Variants in UBASH3B observed in about 807,000 individuals in gnomAD.
The protein encoded by UBASH3B is ubiquitin-associated and SH3 domain-containing protein B.
A neutral mutation model predicts 83.4 loss-of-function variants in UBASH3B; 37 were observed. The observed-to-expected ratio is 0.44, with a 90% CI of 0.34 to 0.58. The LOEUF is 0.58. Among genes scored for constraint, UBASH3B ranks in the 20% least tolerant of loss-of-function variants. UBASH3B has a pLI of 0.01. For missense variants in UBASH3B, 657 were observed against 827.2 expected, an observed-to-expected ratio of 0.79 and a Z score of 2.52; for synonymous variants, 304 against 318.3, an observed-to-expected ratio of 0.96 and a Z score of 0.48.
chr11:122,773,493 TA>T (rs1354635945), intron 1 of UBASH3B, among the ~76,000 whole-genome samples: 3 of 152,164 alleles, frequency 2.0e-5, no homozygotes, highest in African/African-American at 7.2e-5. Context: ...CTTTCAAGAA[TA>T]AAAATAAAAA....
rs758499605 is a variant in UBASH3B at position 122,806,423 on chromosome 11, A to G, written c.1609A>G (p.Ile537Val). Residue 537 changes from isoleucine to valine, a missense_variant, in exon 12 of 14, where the codon ATC (isoleucine) becomes GTC (valine). Physicochemically the swap from Ile to Val is conservative, Grantham distance 29 (BLOSUM62 3). Coordinates refer to ENST00000284273, the MANE Select transcript of UBASH3B (RefSeq NM_032873.5). This position sits in a 1 kb window ranked among gnomAD's most constrained non-coding sequence, Gnocchi z 4.0. ...TTTCTATTACAGACCTCACATTCCA[A>G]TCAGCAAATTAGTTGTTTCAGAATC... is the stretch of plus-strand genomic sequence containing the variant. ...VDTTYRPHIP[I>V]SKLVVSESYD... The G allele has an allele frequency of 8.7e-6, 14 of 1,602,438 alleles. No individual in the cohort carries two copies. In the East Asian group the frequency reaches 3.1e-4, roughly 36 times the overall value.
At chr11:122,770,875 T>G (rs903046611) in intron 1 of UBASH3B, among the ~76,000 whole-genome samples, 1 of 152,238 alleles carries the variant, frequency 6.6e-6, no homozygotes, top group African/African-American at 2.4e-5. Context: ...AATGTGTTCT[T>G]CCCACCTATT....
At chr11:122,697,239 C>T (rs1413572958) in intron 1 of UBASH3B, among the ~76,000 whole-genome samples, 3 of 152,166 alleles carry the variant, frequency 2.0e-5, no homozygotes, top group Non-Finnish European at 4.4e-5. Context: ...ATTTCAATTG[C>T]GCTTTCCAAT....
At chr11:122,706,947 T>C (rs867725098) in intron 1 of UBASH3B, among the ~76,000 whole-genome samples, 1 of 152,146 alleles carries the variant, frequency 6.6e-6, no homozygotes, top group Non-Finnish European at 1.5e-5. Flanking sequence ...ATGAAATGAG[T>C]CAAGTAAAAA....
chr11:122,741,260 G>A (rs189818201), intron 1 of UBASH3B, among the ~76,000 whole-genome samples: 143 of 152,092 alleles, frequency 9.4e-4, no homozygotes, highest in Non-Finnish European at 9.0e-4. Flanking sequence ...TTTCATGTTC[G>A]GCTCTTTTCC....
At position 122,777,174 on chromosome 11, in the gene UBASH3B, C is replaced by T. The variant is rs772032958; in HGVS notation, c.366C>T (p.Asn122=). The T allele has an allele frequency of 6.2e-7, 1 of 1,613,876 alleles. No individual in the cohort carries two copies. Among genetic ancestry groups the T allele is most frequent in the Non-Finnish European group, 8.5e-7 (1 of 1,179,882 alleles). Residue 122 remains asparagine (N), a synonymous_variant, in exon 3 of 14, where the codon AAC becomes AAT. Transcript: ENST00000284273. ...KQICGKNKAH[N]IFPHITLCQF... Reference sequence around the variant, plus strand: ...TCTGCGGGAAGAACAAGGCACACAACATCTTCCCCCACATCACACTCTGCC... The same window carrying T: ...TCTGCGGGAAGAACAAGGCACACAATATCTTCCCCCACATCACACTCTGCC...
intron 1 of UBASH3B, among the ~76,000 whole-genome samples, chr11:122,771,298 C>T (rs951513601): frequency 1.3e-5 from 2 of 151,758 alleles, no homozygotes; most frequent in Middle Eastern, 3.4e-3. Flanking sequence ...AATGGCACGA[C>T]CTCGGCTCAC....
chr11:122,675,306 C>T (rs1007021561), intron 1 of UBASH3B, among the ~76,000 whole-genome samples: 2 of 152,180 alleles, frequency 1.3e-5, no homozygotes, highest in African/African-American at 4.8e-5. Flanking sequence ...TGTTTAGAGA[C>T]CACATTGCAG....
intron 1 of UBASH3B, among the ~76,000 whole-genome samples, chr11:122,729,728 G>C (rs1473070469): frequency 2.7e-5 from 4 of 146,820 alleles, no homozygotes; most frequent in Non-Finnish European, 4.5e-5. Flanking sequence ...GGGAGGCCCA[G>C]GTGGGAGGAT....
chr11:122,738,887 C>A (rs1480970632), intron 1 of UBASH3B, among the ~76,000 whole-genome samples: 5 of 139,502 alleles, frequency 3.6e-5, no homozygotes, highest in African/African-American at 1.1e-4. Context: ...AACTCTGTCT[C>A]AAAAAAAAAA....
intron 1 of UBASH3B, among the ~76,000 whole-genome samples, chr11:122,763,405 C>G (rs943951517): frequency 1.3e-5 from 2 of 152,164 alleles, no homozygotes; most frequent in African/African-American, 4.8e-5. Context: ...GCTAACCACC[C>G]CCTAAGGAGG....
At chr11:122,754,537 T>C (rs1418041499) in intron 1 of UBASH3B, among the ~76,000 whole-genome samples, 1 of 152,096 alleles carries the variant, frequency 6.6e-6, no homozygotes, top group Admixed American at 6.5e-5. Context: ...TGGAAGGAGG[T>C]GCTAGAGTTT....
intron 1 of UBASH3B, chr11:122,773,971 C>G (rs1179703635): frequency 2.0e-6 from 2 of 985,092 alleles, no homozygotes; most frequent in Non-Finnish European, 2.4e-6. Context: ...ACAATGGGTC[C>G]TTTTTTGGTG....
chr11:122,778,764 C>G (rs891122289), intron 3 of UBASH3B, among the ~76,000 whole-genome samples: 1 of 152,082 alleles, frequency 6.6e-6, no homozygotes, highest in Non-Finnish European at 1.5e-5. Context: ...GCCACCATGT[C>G]TGGCTAATTT....
chr11:122,739,067 C>A (rs375480547), intron 1 of UBASH3B, among the ~76,000 whole-genome samples: 1 of 152,118 alleles, frequency 6.6e-6, no homozygotes, highest in Non-Finnish European at 1.5e-5. Context: ...GGCACGATCA[C>A]GGCTTACTGC....
rs1863377871 is a variant in UBASH3B, at chr11:122,657,335, C to T, written c.161+1125C>T. 7.2e-5 allele frequency among the ~76,000 whole-genome samples: 11 copies of T among 151,994 alleles called. No individual in the cohort carries two copies. In the South Asian group the frequency reaches 1.0e-3, roughly 14 times the overall value. ...TTTCTGAGACGGAGTCTCGCTGTGT[C>T]GCCAGGCTAGAGTGCAGTGGCGCAA... On this transcript the variant is annotated intron_variant, in intron 1 of 13. Transcript: ENST00000284273.
intron 1 of UBASH3B, among the ~76,000 whole-genome samples, chr11:122,686,930 C>T (rs770426667): frequency 6.6e-6 from 1 of 151,504 alleles, no homozygotes; most frequent in Non-Finnish European, 1.5e-5. Context: ...TACAGTGGTG[C>T]GGTCTGGGCT....
chr11:122,734,289 C>G (rs143299002), intron 1 of UBASH3B, among the ~76,000 whole-genome samples: 1 of 152,308 alleles, frequency 6.6e-6, no homozygotes, highest in African/African-American at 2.4e-5. Flanking sequence ...TGGGCCTTAT[C>G]AACAGCTACA....
chr11:122,748,284 AT>A (rs1308529221), intron 1 of UBASH3B, among the ~76,000 whole-genome samples: 1 of 152,188 alleles, frequency 6.6e-6, no homozygotes, highest in African/African-American at 2.4e-5. Context: ...TCTTTCTTTC[AT>A]TGTTTTAACT....
Sources: allele counts gnomAD v4.1 joint callset (sites outside exome capture counted in the v4.1 genomes callset), GRCh38; gene constraint gnomAD v4.1.1; non-coding constraint Gnocchi (gnomAD v3.1); transcripts MANE v1.5; gene names NCBI Gene and HGNC (gene_info 2026-07-23, HGNC 2026-07-21).